Variants in ACACA observed in about 807,000 individuals in gnomAD.
The protein encoded by ACACA is acetyl-CoA carboxylase 1.
In ACACA, 103 loss-of-function variants were observed where a neutral mutation model predicts 296.1. The ratio of observed to expected loss-of-function variants is 0.35; its 90% confidence interval spans 0.30 to 0.41. The LOEUF is 0.41. Ranked by LOEUF, ACACA falls within the 10% of genes least tolerant of loss-of-function variation. The probability of loss-of-function intolerance (pLI) is 1.00; values close to 1 mark genes in which losing one functional copy is unlikely to be tolerated. For synonymous variants in ACACA, 953 were observed against 1,038.6 expected (o/e 0.92, Z 1.58); for missense variants, 1,554 against 2,989.7 (o/e 0.52, Z 11.20).
chr17:37,117,263 T>C (rs1230683633), intron 50 of ACACA, among the ~76,000 whole-genome samples: 1 of 152,238 alleles, frequency 6.6e-6, no homozygotes, highest in Non-Finnish European at 1.5e-5. Context: ...AAGCTACATA[T>C]ACATAATGTC....
chr17:37,370,464 C>T (rs777185315), intron 1 of ACACA, among the ~76,000 whole-genome samples: 3 of 132,776 alleles, frequency 2.3e-5, no homozygotes, highest in South Asian at 2.3e-4. Flanking sequence ...CTGGGCAACA[C>T]GGTGAAAACT....
At chr17:37,304,685 G>T (rs1182422397) in intron 3 of ACACA, among the ~76,000 whole-genome samples, 1 of 151,984 alleles carries the variant, frequency 6.6e-6, no homozygotes, top group African/African-American at 2.4e-5. Flanking sequence ...AGCTACTCGG[G>T]AGGCTGAGGC....
intron 29 of ACACA, among the ~76,000 whole-genome samples, chr17:37,215,026 C>T (rs567792741): frequency 2.0e-5 from 3 of 152,282 alleles, no homozygotes; most frequent in African/African-American, 7.2e-5. Flanking sequence ...AATAAAAAGT[C>T]CAGAGGCCGC....
chr17:37,206,070 A>G (rs958626197), intron 32 of ACACA, among the ~76,000 whole-genome samples, 198 bp from the exon 33 acceptor site: 2 of 152,216 alleles, frequency 1.3e-5, no homozygotes, highest in African/African-American at 2.4e-5. Flanking sequence ...AAGCATATAA[A>G]TTTTAAAAGA....
intron 54 of ACACA, among the ~76,000 whole-genome samples, chr17:37,094,119 C>A (rs1252916045): frequency 1.3e-5 from 2 of 152,120 alleles, no homozygotes; most frequent in African/African-American, 4.8e-5. Context: ...TCTTATGACC[C>A]AATTTAAACT....
rs1051428643 is a variant in ACACA at position 37,241,832 on chromosome 17, G to A, written c.3032+121C>T. 1.1e-4 allele frequency: 84 copies of A among 754,088 alleles called. No homozygotes were observed. The Middle Eastern group carries it at 1.3e-3, about 12-fold the overall frequency. 46.7% of individuals were successfully genotyped at this position (754,088 alleles called of 1,614,324 possible). A position where few individuals can be genotyped will look rare whatever the true frequency, so the allele number is the denominator to read the frequency against. ...TTAGAAAAGACAAGGTACTTTCTAA[G>A]ATATAAGATGCTTTCCAATTTCTTG... On this transcript the variant is annotated intron_variant, in intron 23 of 55. Coordinates refer to ENST00000616317, the MANE Select transcript of ACACA (RefSeq NM_198834.3).
Position 37,251,985 on chromosome 17 carries a change from C to T in ACACA, c.2081+20G>A. On this transcript the variant is annotated intron_variant, in intron 16 of 55. Transcript: ENST00000616317. The stretch of plus-strand genomic sequence containing the variant: ...AGGACCATTGATTAGTTTGTGTAGC[C>T]TACAAGAAACAAAGCCTACCTTTCT... 6.2e-7 allele frequency: 1 copy of T among 1,606,824 alleles called. No homozygotes were observed. The highest frequency in any genetic ancestry group is 8.5e-7 in the Non-Finnish European group (1 of 1,173,358).
At chr17:37,121,245 A>C (rs2074513313) in intron 50 of ACACA, 110 bp downstream of exon 50, 14 of 1,465,470 alleles carry the variant, frequency 9.6e-6, no homozygotes, top group Non-Finnish European at 1.3e-5. Context: ...ATCCCCAAAA[A>C]GCCTAGGCTA....
rs1010314022 is a variant in ACACA at position 37,406,113 on chromosome 17, G to C, written c.38+149C>G. The C allele has an allele frequency of 2.4e-5, 20 of 834,394 alleles. No individual in the cohort carries two copies. The African/African-American group carries it at 2.5e-4, about 11-fold the overall frequency. The allele number at this position is 834,394 out of a possible 1,614,324, so 51.7% of individuals were successfully genotyped here. ...CTAGATTTCTTCACCTGGAAAATAG[G>C]GATAACAACAGGTGCCTACCTCACA... On this transcript the variant is annotated intron_variant, in intron 1 of 55. Transcript: ENST00000616317.
intron 41 of ACACA, among the ~76,000 whole-genome samples, chr17:37,164,755 A>T (rs1331120031): frequency 2.0e-5 from 3 of 152,110 alleles, no homozygotes; most frequent in Non-Finnish European, 4.4e-5. Context: ...TTTTCTGTCA[A>T]TTTTCCTCTA....
chr17:37,128,492 TA>T, intron 47 of ACACA, among the ~76,000 whole-genome samples: 1 of 152,368 alleles, frequency 6.6e-6, no homozygotes, highest in Non-Finnish European at 1.5e-5. Flanking sequence ...TACTTTTATA[TA>T]TAGCCTTTCT....
At chr17:37,092,868 T>G (rs559954210) in intron 54 of ACACA, among the ~76,000 whole-genome samples, 7 of 152,336 alleles carry the variant, frequency 4.6e-5, no homozygotes, top group African/African-American at 1.7e-4. Flanking sequence ...ACATTTTCAA[T>G]ACACCTACAC....
chr17:37,128,385 C>A (rs1454840784), intron 47 of ACACA, among the ~76,000 whole-genome samples: 2 of 152,074 alleles, frequency 1.3e-5, no homozygotes, highest in Admixed American at 1.3e-4. Context: ...ACAGTGGGTA[C>A]CCACAAAAGT....
chr17:37,251,538 A>G (rs2080995406), intron 16 of ACACA, among the ~76,000 whole-genome samples: 1 of 152,200 alleles, frequency 6.6e-6, no homozygotes, highest in Non-Finnish European at 1.5e-5. Context: ...TCAATCAGCA[A>G]TAGAAATTAG....
chr17:37,355,476 C>T (rs185175219), intron 1 of ACACA, among the ~76,000 whole-genome samples: 2 of 144,486 alleles, frequency 1.4e-5, no homozygotes, highest in East Asian at 4.2e-4. Flanking sequence ...GAATCGCTTG[C>T]ACATGGGAGG....
At chr17:37,125,677 C>CCAAAACAAAAGAGCTCTT in intron 48 of ACACA, 21 bp downstream of exon 48, 1 of 1,594,800 alleles carries the variant, frequency 6.3e-7, no homozygotes, top group Non-Finnish European at 8.6e-7. Context: ...AAAAGAGCTG[C>CCAAAACAAAAGAGCTCTT]CAAAACAAAA....
chr17:37,174,628 G>A (rs2077039910), intron 41 of ACACA, among the ~76,000 whole-genome samples: 1 of 152,012 alleles, frequency 6.6e-6, no homozygotes, highest in Non-Finnish European at 1.5e-5. Flanking sequence ...TGCCTCCCGG[G>A]TTCAAGCGAT....
intron 14 of ACACA, among the ~76,000 whole-genome samples, chr17:37,255,702 G>A (rs893208471): frequency 2.0e-5 from 3 of 152,108 alleles, no homozygotes; most frequent in Non-Finnish European, 2.9e-5. Flanking sequence ...ATGTCCCGTC[G>A]AAAAGAAGCA....
chr17:37,092,363 A>G (rs866901000), intron 54 of ACACA, among the ~76,000 whole-genome samples: 1 of 152,056 alleles, frequency 6.6e-6, no homozygotes, highest in Non-Finnish European at 1.5e-5. Flanking sequence ...TGCTAACATC[A>G]TGACAGGCCT....
Sources: allele counts gnomAD v4.1 joint callset (sites outside exome capture counted in the v4.1 genomes callset), GRCh38; gene constraint gnomAD v4.1.1; transcripts MANE v1.5; gene names NCBI Gene and HGNC (gene_info 2026-07-23, HGNC 2026-07-21).